Variants in MMP16 observed in about 807,000 individuals in gnomAD.
MMP16 encodes matrix metalloproteinase-16.
Under a neutral mutation model 67.8 loss-of-function variants are expected in MMP16, and 12 were observed. The ratio of observed to expected loss-of-function variants is 0.18; its 90% confidence interval spans 0.11 to 0.29. The LOEUF is 0.29. MMP16 is among the 10% of genes least tolerant of loss of function. The pLI is 1.00. For missense variants in MMP16, 475 were observed against 765.7 expected (o/e 0.62, Z 4.48); for synonymous variants, 249 against 255.9 (o/e 0.97, Z 0.26).
chr8:88,281,012 A>G (rs915964709), intron 1 of MMP16, among the ~76,000 whole-genome samples: 1 of 152,182 alleles, frequency 6.6e-6, no homozygotes, highest in Non-Finnish European at 1.5e-5. Context: ...TGAGATCAGG[A>G]GAGCACAAAT....
chr8:88,149,300 G>T (rs1248350314), intron 4 of MMP16, among the ~76,000 whole-genome samples: 1 of 152,346 alleles, frequency 6.6e-6, no homozygotes, highest in East Asian at 1.9e-4. Flanking sequence ...GCCCGCCATT[G>T]CCCAGGCTTG....
Position 88,041,827 on chromosome 8 carries a change from C to A in MMP16, c.1490-32G>T, listed in dbSNP as rs1808136643. The A allele has an allele frequency of 2.0e-6, 3 of 1,489,026 alleles. No homozygotes were observed. Among genetic ancestry groups the A allele is most frequent in the Non-Finnish European group, 2.8e-6 (3 of 1,082,470 alleles). 92.2% of individuals were successfully genotyped at this position (1,489,026 alleles called of 1,614,324 possible). ...GGAAAAACATACACACACACAGGTA[C>A]CACTTATTTGTGACAGTGTATATGT... On this transcript the variant is annotated intron_variant, in intron 9 of 9. Transcript: ENST00000286614. The surrounding 1 kb of genome is among the most constrained non-coding windows in gnomAD (Gnocchi z 6.0).
At chr8:88,318,414 A>C (rs1811405365) in intron 1 of MMP16, among the ~76,000 whole-genome samples, 1 of 152,294 alleles carries the variant, frequency 6.6e-6, no homozygotes, top group Non-Finnish European at 1.5e-5. Flanking sequence ...TTCAGTTTTT[A>C]GTCCAGATAA....
intron 1 of MMP16, among the ~76,000 whole-genome samples, chr8:88,198,595 G>A (rs149752771): frequency 6.6e-6 from 1 of 151,938 alleles, no homozygotes; most frequent in Non-Finnish European, 1.5e-5. Context: ...AAAAGAAACT[G>A]GTATTAAATG....
intron 4 of MMP16, among the ~76,000 whole-genome samples, chr8:88,161,891 C>G (rs1257581928): frequency 6.6e-6 from 1 of 151,944 alleles, no homozygotes; most frequent in Non-Finnish European, 1.5e-5. Context: ...ATCCTGAGTT[C>G]TAGTTTGATT....
At chr8:88,166,800 C>A (rs531889862) in intron 4 of MMP16, among the ~76,000 whole-genome samples, 15 of 147,062 alleles carry the variant, frequency 1.0e-4, no homozygotes, top group African/African-American at 3.7e-4. Flanking sequence ...TATTGAACTC[C>A]TGAGCTCAAG....
intron 6 of MMP16, among the ~76,000 whole-genome samples, chr8:88,099,262 C>A (rs1479662732): frequency 6.6e-6 from 1 of 151,560 alleles, no homozygotes; most frequent in Non-Finnish European, 1.5e-5. Context: ...TATTTCCCAG[C>A]CTTGATTAAA....
At chr8:88,101,530 G>C (rs1458885113) in intron 6 of MMP16, among the ~76,000 whole-genome samples, 14 of 151,830 alleles carry the variant, frequency 9.2e-5, no homozygotes. Flanking sequence ...TTGGGCTTCA[G>C]CTCAAGGATA....
In MMP16 at chr8:88,115,677, T is replaced by C. The variant is rs149629558; in HGVS notation, c.1083+830A>G. On this transcript the variant is annotated intron_variant, in intron 6 of 9. Coordinates refer to ENST00000286614, the MANE Select transcript of MMP16 (RefSeq NM_005941.5). ...TCCACCAAAACTGACAGCACATTGTTTTATTTTAAAATAAATAATATTGGC... is the reference window on the plus strand; with the variant it reads ...TCCACCAAAACTGACAGCACATTGTCTTATTTTAAAATAAATAATATTGGC... Among the ~76,000 whole-genome samples, 79 of 152,216 alleles carry C rather than the reference T, an allele frequency of 5.2e-4. 1 individual carries two copies. The highest frequency in any genetic ancestry group is 3.5e-4 in the Non-Finnish European group (24 of 67,978).
At chr8:88,114,427 T>C (rs542504596) in intron 6 of MMP16, among the ~76,000 whole-genome samples, 1 of 152,082 alleles carries the variant, frequency 6.6e-6, no homozygotes, top group East Asian at 1.9e-4. Context: ...TTCAGTGTCA[T>C]TACTTTTACT....
chr8:88,292,228 CCTCT>C (rs1810936850), intron 1 of MMP16, among the ~76,000 whole-genome samples: 1 of 152,134 alleles, frequency 6.6e-6, no homozygotes, highest in South Asian at 2.1e-4. Flanking sequence ...ATCGTTCAAA[CCTCT>C]CTGTGTTAAT....
In MMP16 at chr8:88,033,800, T is replaced by G. The variant is rs908602208; in HGVS notation, c.*7661A>C. 6.6e-6 allele frequency: 1 copy of G among 152,050 alleles called. No individual in the cohort carries two copies. Among genetic ancestry groups the G allele is most frequent in the Non-Finnish European group, 1.5e-5 (1 of 67,964 alleles). 9.4% of individuals were successfully genotyped at this position (152,050 alleles called of 1,614,324 possible). On this transcript the variant is annotated 3_prime_UTR_variant, in exon 10 of 10. Coordinates refer to ENST00000286614, the MANE Select transcript of MMP16 (RefSeq NM_005941.5). ...CCAAGGCAGCAAAAAGCTGCCTCTG[T>G]AACACCCCTAATTCTTTGATTCTAT...
intron 5 of MMP16, among the ~76,000 whole-genome samples, chr8:88,116,934 TC>T (rs1470540931): frequency 4.1e-4 from 63 of 152,236 alleles, no homozygotes; most frequent in African/African-American, 1.5e-3. Context: ...AGCTTCTGGA[TC>T]CAGGTAGCTA....
At chr8:88,286,805 T>A (rs1213540958) in intron 1 of MMP16, among the ~76,000 whole-genome samples, 1 of 151,952 alleles carries the variant, frequency 6.6e-6, no homozygotes, top group Admixed American at 6.6e-5. Flanking sequence ...TCTCCTGACC[T>A]CGTGATCTGC....
intron 1 of MMP16, among the ~76,000 whole-genome samples, chr8:88,222,553 C>A (rs561365247): frequency 6.6e-6 from 1 of 152,200 alleles, no homozygotes; most frequent in South Asian, 2.1e-4. Flanking sequence ...ACAACTACAA[C>A]CATCTGATCT....
intron 4 of MMP16, among the ~76,000 whole-genome samples, chr8:88,164,199 T>A (rs1808676218): frequency 6.6e-6 from 1 of 152,088 alleles, no homozygotes; most frequent in Admixed American, 6.6e-5. Context: ...TTTGCATTTT[T>A]GCTAAATAAA....
At chr8:88,123,736 C>T (rs934448495) in intron 4 of MMP16, among the ~76,000 whole-genome samples, 1 of 151,818 alleles carries the variant, frequency 6.6e-6, no homozygotes, top group Admixed American at 6.6e-5. Context: ...GTATTTACAT[C>T]CTGGGGGCAC....
At chr8:88,315,351 CTTTTT>C (rs1811361093) in intron 1 of MMP16, among the ~76,000 whole-genome samples, 1 of 152,092 alleles carries the variant, frequency 6.6e-6, no homozygotes, top group South Asian at 2.1e-4. Context: ...TGTTCTTTTT[CTTTTT>C]TTAACACCTA....
At chr8:88,319,029 G>A (rs755485865) in intron 1 of MMP16, among the ~76,000 whole-genome samples, 48 of 152,046 alleles carry the variant, frequency 3.2e-4, no homozygotes, top group East Asian at 2.1e-3. Context: ...TAAAATCCAC[G>A]CTACAGACAG....
Sources: allele counts gnomAD v4.1 joint callset (sites outside exome capture counted in the v4.1 genomes callset), GRCh38; gene constraint gnomAD v4.1.1; non-coding constraint Gnocchi (gnomAD v3.1); transcripts MANE v1.5; gene names NCBI Gene and HGNC (gene_info 2026-07-23, HGNC 2026-07-21).